The following SRGAP3 variants were observed in gnomAD, a reference collection of about 807,000 sequenced individuals.
SRGAP3 encodes the protein SLIT-ROBO Rho GTPase activating protein 3, also known as SLIT-ROBO Rho GTPase-activating protein 3.
In SRGAP3, 39 loss-of-function variants were observed where a neutral mutation model predicts 121.1. That is an observed-to-expected ratio of 0.32 (90% CI 0.25 to 0.42). The LOEUF (loss-of-function observed/expected upper bound fraction) is 0.42. Among genes scored for constraint, SRGAP3 ranks in the 10% least tolerant of loss-of-function variants. The pLI is 1.00. For synonymous variants in SRGAP3, 601 were observed against 570.0 expected (o/e 1.05, Z -0.77); for missense variants, 1,213 against 1,470.6 (o/e 0.82, Z 2.86).
intron 3 of SRGAP3, among the ~76,000 whole-genome samples, chr3:9,259,944 G>A (rs1286402592): frequency 6.6e-6 from 1 of 151,510 alleles, no homozygotes; most frequent in Non-Finnish European, 1.5e-5. Flanking sequence ...TTCCAACTGA[G>A]GTACCCACCT....
At chr3:9,063,182 G>C (rs550041325) in intron 5 of SRGAP3, among the ~76,000 whole-genome samples, 1 of 143,338 alleles carries the variant, frequency 7.0e-6, no homozygotes, top group Admixed American at 7.2e-5. Flanking sequence ...GCCCAGGCTG[G>C]AGTGCAGTGA....
chr3:9,081,562 A>T (rs953731018), intron 3 of SRGAP3, among the ~76,000 whole-genome samples: 2 of 152,250 alleles, frequency 1.3e-5, no homozygotes, highest in Non-Finnish European at 2.9e-5. Flanking sequence ...GCATTTGAGA[A>T]AAAGCTAATT....
At chr3:9,203,119 AG>A (rs1470645574) in intron 1 of SRGAP3, among the ~76,000 whole-genome samples, 1 of 152,124 alleles carries the variant, frequency 6.6e-6, no homozygotes, top group Non-Finnish European at 1.5e-5. Context: ...TCTGACTCCC[AG>A]TCTGTTTCTC....
intron 1 of SRGAP3, among the ~76,000 whole-genome samples, chr3:9,136,562 G>A (rs191961091): frequency 1.5e-3 from 228 of 152,352 alleles, no homozygotes; most frequent in African/African-American, 4.1e-3. Flanking sequence ...TTCGGCCAAC[G>A]ACCGACATCA....
At chr3:9,125,119 G>C in intron 1 of SRGAP3, 1 of 647,248 alleles carries the variant, frequency 1.5e-6, no homozygotes, top group Non-Finnish European at 2.6e-6. Flanking sequence ...TTTTGCCATT[G>C]ATCTAACCAA....
intron 3 of SRGAP3, among the ~76,000 whole-genome samples, chr3:9,091,951 C>T (rs1041385372): frequency 5.3e-5 from 8 of 152,094 alleles, no homozygotes; most frequent in Non-Finnish European, 8.8e-5. Flanking sequence ...AATGCAGATT[C>T]GAGTCCTTAG....
intron 1 of SRGAP3, among the ~76,000 whole-genome samples, chr3:9,195,852 A>G (rs1951899328): frequency 6.6e-6 from 1 of 152,126 alleles, no homozygotes; most frequent in African/African-American, 2.4e-5. Flanking sequence ...GCTAATCATG[A>G]GGCTGAGGCA....
rs1167269719 is a variant in SRGAP3, at chr3:9,096,935, T to C, written c.423+7745A>G. Among the ~76,000 whole-genome samples, 2 of 71,258 alleles carry C rather than the reference T, an allele frequency of 2.8e-5. 1 individual carries two copies. The highest frequency in any genetic ancestry group is 5.3e-5 in the Non-Finnish European group (2 of 37,512). The allele number at this position is 71,258 out of a possible 152,430, so 46.7% of individuals were successfully genotyped here. A position where few individuals can be genotyped will look rare whatever the true frequency, so the allele number is the denominator to read the frequency against. Reference sequence around the variant, plus strand: ...CTAATTATATATTTTTTACATTATTTTGTATATATATATATATATATATAT... The same window carrying C: ...CTAATTATATATTTTTTACATTATTCTGTATATATATATATATATATATAT... On this transcript the variant is annotated intron_variant, in intron 3 of 21. Coordinates refer to ENST00000383836, the MANE Select transcript of SRGAP3 (RefSeq NM_014850.4).
At chr3:9,183,168 G>A (rs1463609582) in intron 1 of SRGAP3, among the ~76,000 whole-genome samples, 2 of 152,172 alleles carry the variant, frequency 1.3e-5, no homozygotes, top group African/African-American at 4.8e-5. Context: ...AAGGGACCAG[G>A]AAAATGGCCA....
intron 2 of SRGAP3, among the ~76,000 whole-genome samples, chr3:9,116,926 T>G (rs1384178462): frequency 6.6e-6 from 1 of 152,232 alleles, no homozygotes; most frequent in African/African-American, 2.4e-5. Context: ...TGCAATGAGA[T>G]GATGCCTATC....
chr3:9,135,763 C>A (rs1377454476), intron 1 of SRGAP3, among the ~76,000 whole-genome samples: 1 of 152,230 alleles, frequency 6.6e-6, no homozygotes, highest in Non-Finnish European at 1.5e-5. Flanking sequence ...GGTGGCATGG[C>A]GCAGCGGAAG....
At chr3:9,031,783 C>T (rs1944497825) in intron 12 of SRGAP3, among the ~76,000 whole-genome samples, 1 of 152,204 alleles carries the variant, frequency 6.6e-6, no homozygotes, top group Admixed American at 6.5e-5. Context: ...TGATTGATAT[C>T]TATCATCTTC....
chr3:9,100,415 G>C (rs1380681644), intron 3 of SRGAP3, among the ~76,000 whole-genome samples: 1 of 152,130 alleles, frequency 6.6e-6, no homozygotes, highest in South Asian at 2.1e-4. Context: ...AAGCAAACAG[G>C]AGGCCAAAGA....
At chr3:9,197,055 C>A (rs181160502) in intron 1 of SRGAP3, among the ~76,000 whole-genome samples, 154 of 152,312 alleles carry the variant, frequency 1.0e-3, no homozygotes, top group African/African-American at 3.6e-3. Context: ...TTTTCACTCA[C>A]GACAAGAAAA....
At chr3:9,304,687 A>G (rs550104602) in intron 3 of SRGAP3, among the ~76,000 whole-genome samples, 8 of 152,264 alleles carry the variant, frequency 5.3e-5, no homozygotes, top group African/African-American at 1.9e-4. Flanking sequence ...CCTCCGCACT[A>G]GGACCTCCCC....
At chr3:9,018,340 C>T (rs546471076) in intron 14 of SRGAP3, among the ~76,000 whole-genome samples, 1 of 152,190 alleles carries the variant, frequency 6.6e-6, no homozygotes, top group South Asian at 2.1e-4. Context: ...CCTTTTGATA[C>T]ATTAATTTAT....
chr3:9,140,136 C>CACACACACACACACACAT (rs1553676301), intron 1 of SRGAP3, among the ~76,000 whole-genome samples: 3 of 143,514 alleles, frequency 2.1e-5, no homozygotes, highest in Non-Finnish European at 4.8e-5. Context: ...CACACACACA[C>CACACACACACACACACAT]ACACACACAC....
chr3:9,139,928 A>G (rs1368087678), intron 1 of SRGAP3, among the ~76,000 whole-genome samples: 1 of 152,216 alleles, frequency 6.6e-6, no homozygotes, highest in Non-Finnish European at 1.5e-5. Flanking sequence ...ATTCTATCAT[A>G]CACCACCACA....
intron 3 of SRGAP3, among the ~76,000 whole-genome samples, chr3:9,292,069 G>C (rs1300453073): frequency 6.6e-6 from 1 of 152,136 alleles, no homozygotes; most frequent in African/African-American, 2.4e-5. Context: ...TAACTTTCTT[G>C]GTAGTGATTC....
Sources: allele counts gnomAD v4.1 joint callset (sites outside exome capture counted in the v4.1 genomes callset), GRCh38; gene constraint gnomAD v4.1.1; transcripts MANE v1.5; gene names NCBI Gene and HGNC (gene_info 2026-07-23, HGNC 2026-07-21).